Variants in POM121C observed in about 807,000 individuals in gnomAD.
The protein encoded by POM121C is nuclear envelope pore membrane protein POM 121C.
Under a neutral mutation model 66.4 loss-of-function variants are expected in POM121C, and 20 were observed. The ratio of observed to expected loss-of-function variants is 0.30; its 90% CI spans 0.21 to 0.44. The LOEUF (loss-of-function observed/expected upper bound fraction) is 0.44, where lower values mean the gene tolerates loss of function less well. POM121C is among the 20% of genes least tolerant of loss of function. The probability of loss-of-function intolerance (pLI) is 1.00; values close to 1 mark genes in which losing one functional copy is unlikely to be tolerated. For synonymous variants in POM121C, 286 were observed against 528.0 expected, an observed-to-expected ratio of 0.54 and a Z score of 6.28; for missense variants, 580 against 1,225.7, an observed-to-expected ratio of 0.47 and a Z score of 7.87.
At chr7:75,477,110 T>TACACACACACACAC (rs57918412) in intron 1 of POM121C, among the ~76,000 whole-genome samples, 19,958 of 140,388 alleles carry the variant, frequency 0.14, 1,482 homozygotes, top group Middle Eastern at 0.19. Flanking sequence ...TTTGCGTGTA[T>TACACACACACACAC]ACACACACAC....
chr7:75,428,871 T>C (rs1163605386), intron 7 of POM121C, among the ~76,000 whole-genome samples: 1 of 151,818 alleles, frequency 6.6e-6, no homozygotes, highest in Non-Finnish European at 1.5e-5. Context: ...TCCCAACACT[T>C]TGGGAGGCCA....
At chr7:75,419,756 G>A (rs1322064304) in intron 13 of POM121C, 10 of 344,604 alleles carry the variant, frequency 2.9e-5, no homozygotes, top group Middle Eastern at 7.9e-4. Context: ...GCCTCCTAGC[G>A]TACCTGGGTT....
At chr7:75,454,228 T>C (rs1469555449) in intron 3 of POM121C, among the ~76,000 whole-genome samples, 156 of 152,186 alleles carry the variant, frequency 1.0e-3, no homozygotes, top group Non-Finnish European at 1.9e-3. Context: ...TGCCACAGGC[T>C]GTCATGGAAG....
rs587659208 is a variant in POM121C, at chr7:75,465,582, G to A, written c.-152+9122C>T. On this transcript the variant is annotated intron_variant, in intron 3 of 14. Coordinates refer to ENST00000615331, the MANE Select transcript of POM121C (RefSeq NM_001099415.3). Reference sequence around the variant, plus strand: ...AGCCTGGCCAAGATGGTGAAACCCCGTCTCTACTGAAAAGACAAAAATTAG... The same window carrying A: ...AGCCTGGCCAAGATGGTGAAACCCCATCTCTACTGAAAAGACAAAAATTAG... Among the ~76,000 whole-genome samples, 79 of 151,462 alleles carry A rather than the reference G, an allele frequency of 5.2e-4. 2 individuals are homozygous for A. In the South Asian group the frequency reaches 0.014, roughly 27 times the overall value.
At chr7:75,485,555 C>G (rs1290252328) in intron 1 of POM121C, among the ~76,000 whole-genome samples, 2 of 152,098 alleles carry the variant, frequency 1.3e-5, no homozygotes, top group Admixed American at 6.5e-5. Context: ...GAAGTGCTGA[C>G]GGACGTTTAG....
At chr7:75,443,164 G>A (rs587632757) in intron 3 of POM121C, among the ~76,000 whole-genome samples, 17 of 152,322 alleles carry the variant, frequency 1.1e-4, no homozygotes, top group African/African-American at 4.1e-4. Context: ...AACGTGGGAC[G>A]ATTACCTACC....
chr7:75,419,495 G>GAGGAGCCGGGC, intron 13 of POM121C, 53 bp from the exon 14 acceptor site: 1 of 1,598,226 alleles, frequency 6.3e-7, no homozygotes. Context: ...GGAGGCAGGC[G>GAGGAGCCGGGC]AGGAGCCGGG....
intron 8 of POM121C, 135 bp from the exon 9 acceptor site, chr7:75,425,843 TA>T: frequency 6.5e-6 from 7 of 1,072,006 alleles, no homozygotes; most frequent in Non-Finnish European, 8.0e-6. Flanking sequence ...TATGCCAGGA[TA>T]AAAAAAGTCA....
At chr7:75,438,746 T>C (rs587611278) in intron 6 of POM121C, among the ~76,000 whole-genome samples, 2 of 152,336 alleles carry the variant, frequency 1.3e-5, no homozygotes, top group South Asian at 4.1e-4. Flanking sequence ...TTATCCTAAG[T>C]CTTTCCACAC....
intron 7 of POM121C, among the ~76,000 whole-genome samples, chr7:75,432,879 TTTA>T (rs1790239118): frequency 6.6e-6 from 1 of 152,136 alleles, no homozygotes; most frequent in African/African-American, 2.4e-5. Context: ...ATTTTACTTT[TTTA>T]CTTAAAAAAG....
Position 75,441,053 on chromosome 7 carries a change from G to C in POM121C, c.128C>G (p.Ala43Gly). 3.7e-6 allele frequency: 6 copies of C among 1,613,886 alleles called. No homozygotes were observed. The highest frequency in any genetic ancestry group is 5.1e-6 in the Non-Finnish European group (6 of 1,179,848). Reference protein sequence around the residue: ...SPSSNAPDPCAKETVLSALKE... With the variant: ...SPSSNAPDPCGKETVLSALKE... ...GAGGGCACTCAGTACAGTCTCCTTTGCACATGGGTCTGGGGCATTACTTGA... is the reference window on the plus strand; with the variant it reads ...GAGGGCACTCAGTACAGTCTCCTTTCCACATGGGTCTGGGGCATTACTTGA... The change falls in exon 5 of 15, where the codon GCA becomes GGA. Residue 43 changes from alanine (A) to glycine (G), a missense_variant. Coordinates refer to ENST00000615331, the MANE Select transcript of POM121C (RefSeq NM_001099415.3).
intron 3 of POM121C, among the ~76,000 whole-genome samples, chr7:75,469,280 T>G (rs1482363083): frequency 6.6e-6 from 1 of 152,008 alleles, no homozygotes. Context: ...TTTATTTTTT[T>G]AGAGACAGGG....
intron 3 of POM121C, among the ~76,000 whole-genome samples, chr7:75,461,748 T>C (rs2116482045): frequency 6.6e-6 from 1 of 152,114 alleles, no homozygotes. Flanking sequence ...ACTGAAATCA[T>C]ACAAAATACG....
At chr7:75,423,744 C>T (rs587629540) in intron 12 of POM121C, among the ~76,000 whole-genome samples, 1 of 152,272 alleles carries the variant, frequency 6.6e-6, no homozygotes, top group Admixed American at 6.5e-5. Context: ...ATCCTGACCA[C>T]GCCACCACAT....
intron 3 of POM121C, among the ~76,000 whole-genome samples, chr7:75,468,179 A>AAC (rs1791743865): frequency 6.6e-6 from 1 of 151,384 alleles, no homozygotes; most frequent in South Asian, 2.1e-4. Flanking sequence ...GAAACGCAGA[A>AAC]ACACAAAATA....
intron 7 of POM121C, among the ~76,000 whole-genome samples, chr7:75,431,761 G>A (rs1194736409): frequency 6.6e-6 from 1 of 151,854 alleles, no homozygotes; most frequent in Non-Finnish European, 1.5e-5. Flanking sequence ...GACCAGCCTG[G>A]CCAACATGGT....
intron 7 of POM121C, among the ~76,000 whole-genome samples, chr7:75,429,905 T>TGA (rs1790100237): frequency 6.6e-6 from 1 of 151,912 alleles, no homozygotes; most frequent in South Asian, 2.1e-4. Context: ...CTCAAAAGGC[T>TGA]GAGGCAGGAG....
intron 5 of POM121C, 46 bp downstream of exon 5, chr7:75,440,908 G>C: frequency 6.2e-7 from 1 of 1,613,744 alleles, no homozygotes; most frequent in Non-Finnish European, 8.5e-7. Flanking sequence ...TCATCCCATA[G>C]GGGTCCAAGC....
chr7:75,433,388 C>T (rs1180866020), intron 7 of POM121C, among the ~76,000 whole-genome samples: 1 of 151,798 alleles, frequency 6.6e-6, no homozygotes, highest in African/African-American at 2.4e-5. Context: ...TGGAGTCTCG[C>T]TCTGTCGCCC....
Sources: allele counts gnomAD v4.1 joint callset (sites outside exome capture counted in the v4.1 genomes callset), GRCh38; gene constraint gnomAD v4.1.1; transcripts MANE v1.5; gene names NCBI Gene and HGNC (gene_info 2026-07-23, HGNC 2026-07-21).